GRIN2A: variants seen among roughly 807,000 people sequenced by gnomAD.
The protein encoded by GRIN2A is glutamate receptor ionotropic, NMDA 2A.
GRIN2A carries 22 observed loss-of-function variants against 113.4 expected under a neutral mutation model. That is an observed-to-expected ratio of 0.19 (90% CI 0.14 to 0.28). The LOEUF is 0.28. GRIN2A is among the 10% of genes least tolerant of loss of function. The pLI is 1.00. For missense variants in GRIN2A, 1,502 were observed against 1,887.0 expected (o/e 0.80, Z 3.78); for synonymous variants, 827 against 738.4 (o/e 1.12, Z -1.94).
intron 9 of GRIN2A, among the ~76,000 whole-genome samples, chr16:9,824,893 C>G (rs1451983581): frequency 6.6e-6 from 1 of 152,096 alleles, no homozygotes; most frequent in Non-Finnish European, 1.5e-5. Context: ...GATGGCTCAT[C>G]TATTAAGTCC....
chr16:10,165,631 G>A (rs1300095195), intron 2 of GRIN2A, among the ~76,000 whole-genome samples: 1 of 142,826 alleles, frequency 7.0e-6, no homozygotes, highest in East Asian at 2.1e-4. Context: ...TTCTTTCAAT[G>A]CTGCTAAACA....
chr16:9,886,741 G>A (rs1365185347), intron 4 of GRIN2A, among the ~76,000 whole-genome samples: 1 of 152,160 alleles, frequency 6.6e-6, no homozygotes, highest in East Asian at 1.9e-4. Flanking sequence ...GGCTCCGGTG[G>A]ATCAACTGAA....
At chr16:10,050,337 C>T (rs1270086084) in intron 2 of GRIN2A, among the ~76,000 whole-genome samples, 1 of 152,086 alleles carries the variant, frequency 6.6e-6, no homozygotes, top group Non-Finnish European at 1.5e-5. Flanking sequence ...GGAACTGGGC[C>T]ACACAGCAGG....
chr16:9,964,939 G>A (rs1196333784), intron 2 of GRIN2A, among the ~76,000 whole-genome samples: 1 of 152,170 alleles, frequency 6.6e-6, no homozygotes, highest in Non-Finnish European at 1.5e-5. Flanking sequence ...GGCTTATAGT[G>A]TGTGCTTAAT....
Position 9,763,360 on chromosome 16 carries a change from G to C in GRIN2A, c.4184C>G (p.Ala1395Gly), listed in dbSNP as rs199696775. Residue 1395 changes from alanine (A) to glycine (G), a missense_variant, in exon 13 of 13, where the codon GCG becomes GGG. By Grantham distance (60) the Ala-to-Gly change is moderately conservative. This residue lies in a region of GRIN2A where 832 missense variants were observed against 789.7 expected (regional missense o/e 1.05). Coordinates refer to ENST00000330684, the MANE Select transcript of GRIN2A (RefSeq NM_001134407.3). ...DPYKHSLPSQ[A>G]VNDSYLRSSL... ...CGACCGAAGATAGCTGTCATTCACC[G>C]CCTGGGATGGCAACGAGTGTTTGTA... is the stretch of plus-strand genomic sequence containing the variant. 1 of 1,614,084 alleles carries C rather than the reference G, an allele frequency of 6.2e-7. No individual in the cohort carries two copies. Among genetic ancestry groups the C allele is most frequent in the Non-Finnish European group, 8.5e-7 (1 of 1,179,978 alleles).
intron 2 of GRIN2A, among the ~76,000 whole-genome samples, chr16:10,170,052 A>G (rs1202177591): frequency 6.6e-6 from 1 of 152,180 alleles, no homozygotes; most frequent in Non-Finnish European, 1.5e-5. Context: ...TGTATGAATC[A>G]CCCTAGATAT....
chr16:9,781,987 A>T (rs1034445541), intron 11 of GRIN2A, among the ~76,000 whole-genome samples: 2 of 152,214 alleles, frequency 1.3e-5, no homozygotes, highest in African/African-American at 4.8e-5. Flanking sequence ...ATGGACTATA[A>T]AAGTATATAT....
intron 4 of GRIN2A, among the ~76,000 whole-genome samples, chr16:9,852,062 C>T (rs41356645): frequency 0.26 from 39,824 of 152,042 alleles, 5,393 homozygotes; most frequent in African/African-American, 0.3. Flanking sequence ...TTGAGCACTC[C>T]TGTACAGTCA....
At chr16:9,934,866 AACTTAC>A (rs2044677156) in intron 3 of GRIN2A, among the ~76,000 whole-genome samples, 1 of 151,706 alleles carries the variant, frequency 6.6e-6, no homozygotes, top group Non-Finnish European at 1.5e-5. Flanking sequence ...GCCTTATCCA[AACTTAC>A]ACACTGGGTG....
intron 4 of GRIN2A, among the ~76,000 whole-genome samples, chr16:9,879,423 A>G (rs1270315634): frequency 2.6e-5 from 4 of 152,166 alleles, no homozygotes; most frequent in Non-Finnish European, 4.4e-5. Context: ...AAATTTTTTT[A>G]ATCTATCTAA....
intron 2 of GRIN2A, among the ~76,000 whole-genome samples, chr16:10,011,744 CAGAAAGTGG>C (rs1439052764): frequency 6.6e-6 from 1 of 152,134 alleles, no homozygotes; most frequent in East Asian, 1.9e-4. Context: ...ACTGCAGAAT[CAGAAAGTGG>C]GAATCTGCTT....
intron 2 of GRIN2A, among the ~76,000 whole-genome samples, chr16:10,059,824 G>A (rs1196886747): frequency 3.3e-5 from 5 of 152,092 alleles, no homozygotes; most frequent in South Asian, 4.2e-4. Context: ...TTTTAGATTC[G>A]TGAATGAGTT....
At chr16:9,816,785 C>A (rs2042194582) in intron 10 of GRIN2A, among the ~76,000 whole-genome samples, 1 of 152,160 alleles carries the variant, frequency 6.6e-6, no homozygotes, top group Non-Finnish European at 1.5e-5. Context: ...GATCTTCAGA[C>A]CCCTCCTTAC....
At chr16:9,850,067 C>T in intron 4 of GRIN2A, 106 bp from the exon 5 acceptor site, 1 of 915,962 alleles carries the variant, frequency 1.1e-6, no homozygotes, top group South Asian at 1.3e-5. Flanking sequence ...AAGGGCCTTT[C>T]TGCCACATAT....
At chr16:9,983,198 A>C (rs1377719850) in intron 2 of GRIN2A, among the ~76,000 whole-genome samples, 2 of 152,212 alleles carry the variant, frequency 1.3e-5, no homozygotes, top group African/African-American at 4.8e-5. Flanking sequence ...GTGTGATAGA[A>C]TACTAGAACC....
intron 2 of GRIN2A, among the ~76,000 whole-genome samples, chr16:9,988,824 A>C (rs1181428205): frequency 6.6e-6 from 1 of 152,122 alleles, no homozygotes; most frequent in African/African-American, 2.4e-5. Context: ...AGGTCCCTCC[A>C]TGCTCCCACT....
At chr16:10,022,374 A>G (rs1472295554) in intron 2 of GRIN2A, among the ~76,000 whole-genome samples, 1 of 150,826 alleles carries the variant, frequency 6.6e-6, no homozygotes, top group African/African-American at 2.4e-5. Context: ...CACACAGAAC[A>G]TCTTGCTGTT....
intron 2 of GRIN2A, among the ~76,000 whole-genome samples, chr16:9,999,771 G>T (rs2046289698): frequency 6.6e-6 from 1 of 152,102 alleles, no homozygotes. Flanking sequence ...GCAAGATACG[G>T]AGGCTAATCA....
At chr16:9,823,907 C>G (rs2141298581) in intron 9 of GRIN2A, among the ~76,000 whole-genome samples, 1 of 152,160 alleles carries the variant, frequency 6.6e-6, no homozygotes. Flanking sequence ...GGAAGAGCAC[C>G]CAGAAAATCA....
Sources: gnomAD v4.1 joint callset for allele counts (sites outside exome capture counted in the v4.1 genomes callset) on GRCh38, gnomAD v4.1.1 for gene constraint, gnomAD v4.1.1 regional missense constraint, MANE v1.5 for transcripts, NCBI Gene and HGNC (gene_info 2026-07-23, HGNC 2026-07-21) for gene names.